EIF2S1: variants seen among roughly 807,000 people sequenced by gnomAD.
The protein encoded by EIF2S1 is eukaryotic translation initiation factor 2 subunit 1.
EIF2S1 carries 5 observed loss-of-function variants against 33.5 expected under a neutral mutation model. The ratio of observed to expected loss-of-function variants is 0.15; its 90% CI spans 0.08 to 0.31. EIF2S1 has a LOEUF of 0.31. EIF2S1 is among the 10% of genes least tolerant of loss of function. The pLI is 1.00. For missense variants in EIF2S1, 191 were observed against 384.6 expected (o/e 0.50, Z 4.21); for synonymous variants, 99 against 127.5 (o/e 0.78, Z 1.51).
At chr14:67,366,168 G>A (rs2141129388) in intron 2 of EIF2S1, among the ~76,000 whole-genome samples, 2 of 150,938 alleles carry the variant, frequency 1.3e-5, no homozygotes, top group Middle Eastern at 3.4e-3. Flanking sequence ...CTGCAGCCTT[G>A]AACTCCTGTG....
chr14:67,383,528 A>C lies in EIF2S1; in HGVS notation c.*88A>C, dbSNP rs2085901861. 6.4e-7 allele frequency: 1 copy of C among 1,554,214 alleles called. No homozygotes were observed. The highest frequency in any genetic ancestry group is 8.8e-7 in the Non-Finnish European group (1 of 1,141,544). ...AGACTTGAAAGTTTTCCAGTATTGA[A>C]AACTTCAAAGCTGAATATTTTTTAT... On this transcript the variant is annotated 3_prime_UTR_variant, in exon 8 of 8. Transcript: ENST00000256383.
At chr14:67,382,409 G>A (rs374022130) in intron 6 of EIF2S1, 38 bp from the exon 7 acceptor site, 1 of 1,578,112 alleles carries the variant, frequency 6.3e-7, no homozygotes, top group Admixed American at 1.7e-5. Context: ...GGGTTCTGTA[G>A]GTACATTCAT....
chr14:67,380,084 G>C (rs995759795), intron 4 of EIF2S1, among the ~76,000 whole-genome samples: 1 of 152,044 alleles, frequency 6.6e-6, no homozygotes, highest in Non-Finnish European at 1.5e-5. Context: ...TTTTACAATA[G>C]TTCTACCTTT....
intron 3 of EIF2S1, among the ~76,000 whole-genome samples, chr14:67,375,052 T>TC (rs1340048898): frequency 6.6e-6 from 1 of 152,184 alleles, no homozygotes; most frequent in African/African-American, 2.4e-5. Context: ...TTGGTTTTTT[T>TC]CCCCCTCCAC....
At chr14:67,376,349 G>A (rs2085857784) in intron 3 of EIF2S1, 90 bp from the exon 4 acceptor site, 1 of 1,257,334 alleles carries the variant, frequency 8.0e-7, no homozygotes, top group Non-Finnish European at 1.1e-6. Context: ...AGGAATTATT[G>A]TAGCCAAATT....
chr14:67,376,144 A>G (rs1220345823), intron 3 of EIF2S1, among the ~76,000 whole-genome samples: 1 of 139,904 alleles, frequency 7.1e-6, no homozygotes, highest in Non-Finnish European at 1.5e-5. Flanking sequence ...TGGTTTCTAT[A>G]TATTTGATCT....
intron 2 of EIF2S1, among the ~76,000 whole-genome samples, chr14:67,371,527 A>T (rs1305975967): frequency 6.6e-6 from 1 of 152,218 alleles, no homozygotes; most frequent in Admixed American, 6.5e-5. Flanking sequence ...CAAATTTCAT[A>T]GAGTGTGCTG....
At chr14:67,372,202 A>G (rs1219903219) in intron 2 of EIF2S1, among the ~76,000 whole-genome samples, 1 of 152,246 alleles carries the variant, frequency 6.6e-6, no homozygotes. Flanking sequence ...CAGCTGATCA[A>G]AGAAAAAATT....
chr14:67,361,842 A>G (rs1177204318), intron 1 of EIF2S1, among the ~76,000 whole-genome samples: 4 of 152,208 alleles, frequency 2.6e-5, no homozygotes, highest in African/African-American at 7.2e-5. Context: ...CTCCTACGCT[A>G]GTACTTATTA....
At chr14:67,372,660 C>T (rs1460398026) in intron 2 of EIF2S1, among the ~76,000 whole-genome samples, 1 of 152,058 alleles carries the variant, frequency 6.6e-6, no homozygotes, top group East Asian at 1.9e-4. Context: ...GAAACCCCGT[C>T]TCTACTAAAA....
intron 1 of EIF2S1, among the ~76,000 whole-genome samples, chr14:67,361,784 T>C (rs188127373): frequency 1.3e-5 from 2 of 152,364 alleles, no homozygotes; most frequent in Admixed American, 1.3e-4. Flanking sequence ...ATTGAGGTTC[T>C]GTGGGTTAAA....
chr14:67,364,670 C>G, intron 1 of EIF2S1, 97 bp from the exon 2 acceptor site: 1 of 1,257,770 alleles, frequency 8.0e-7, no homozygotes, highest in Non-Finnish European at 1.1e-6. Flanking sequence ...CTATTTTTTT[C>G]TTCATCTTTT....
rs533445951 is a variant in EIF2S1 at position 67,360,380 on chromosome 14, G to C, written c.-78G>C. 8.5e-3 allele frequency: 3,378 copies of C among 396,372 alleles called. 17 individuals carry two copies. The highest frequency in any genetic ancestry group is 0.011 in the Non-Finnish European group (2,576 of 225,058). The allele number at this position is 396,372 out of a possible 1,614,324, so 24.6% of individuals were successfully genotyped here. On this transcript the variant is annotated 5_prime_UTR_variant, in exon 1 of 8. Coordinates refer to ENST00000256383, the MANE Select transcript of EIF2S1 (RefSeq NM_004094.5). Reference sequence around the variant, plus strand: ...GCTGAGGAGGATCGGCGGCCGGTGAGGGGGAAGCAAGTCTGGTCTCTGTGA... The same window carrying C: ...GCTGAGGAGGATCGGCGGCCGGTGACGGGGAAGCAAGTCTGGTCTCTGTGA...
chr14:67,381,768 T>G, intron 6 of EIF2S1, 78 bp downstream of exon 6: 1 of 1,065,626 alleles, frequency 9.4e-7, no homozygotes, highest in Non-Finnish European at 1.4e-6. Flanking sequence ...GTTTCTTTTT[T>G]TTTTTTTAAT....
intron 2 of EIF2S1, among the ~76,000 whole-genome samples, chr14:67,369,193 T>C (rs1043888291): frequency 6.6e-6 from 1 of 152,210 alleles, no homozygotes; most frequent in Non-Finnish European, 1.5e-5. Flanking sequence ...AGATATGCTA[T>C]GCAGACAATA....
intron 5 of EIF2S1, 107 bp from the exon 6 acceptor site, chr14:67,381,486 C>G: frequency 1.3e-6 from 1 of 783,560 alleles, no homozygotes; most frequent in South Asian, 1.7e-5. Flanking sequence ...AGGTTGGATT[C>G]AGTATAAGTA....
At chr14:67,371,330 G>A (rs569953094) in intron 2 of EIF2S1, among the ~76,000 whole-genome samples, 2 of 151,606 alleles carry the variant, frequency 1.3e-5, no homozygotes, top group South Asian at 4.2e-4. Context: ...TGAGGTGGGA[G>A]GACGGCTTGA....
chr14:67,375,232 C>CTGTGTGTGTGTGTGTGTGTG (rs3067321), intron 3 of EIF2S1, among the ~76,000 whole-genome samples: 1 of 137,574 alleles, frequency 7.3e-6, no homozygotes, highest in Non-Finnish European at 1.6e-5. Context: ...ATCCTCAGTT[C>CTGTGTGTGTGTGTGTGTGTG]TGTGTGTGTG....
At chr14:67,381,994 A>C (rs1172290054) in intron 6 of EIF2S1, among the ~76,000 whole-genome samples, 1 of 152,182 alleles carries the variant, frequency 6.6e-6, no homozygotes, top group African/African-American at 2.4e-5. Context: ...ACTTTAAAAA[A>C]GAGTAACACT....
Sources: gnomAD v4.1 joint callset for allele counts (sites outside exome capture counted in the v4.1 genomes callset) on GRCh38, gnomAD v4.1.1 for gene constraint, MANE v1.5 for transcripts, NCBI Gene and HGNC (gene_info 2026-07-23, HGNC 2026-07-21) for gene names.